The following EYS variants were observed in gnomAD, a reference collection of about 807,000 sequenced individuals.
EYS encodes EGF-like photoreceptor maintenance factor, also known as protein eyes shut homolog.
A neutral mutation model predicts 282.1 loss-of-function variants in EYS; 250 were observed. That is an observed-to-expected ratio of 0.89 (90% CI 0.80 to 0.98). EYS has a LOEUF of 0.98. Ranked by LOEUF, EYS falls within the 50% of genes least tolerant of loss-of-function variation. The probability of loss-of-function intolerance (pLI) is 0.00; values close to 1 mark genes in which losing one functional copy is unlikely to be tolerated. For missense variants in EYS, 4,016 were observed against 3,709.0 expected (o/e 1.08, Z -2.15); for synonymous variants, 1,355 against 1,282.9 (o/e 1.06, Z -1.20).
At chr6:64,394,533 T>C (rs1024405483) in intron 28 of EYS, among the ~76,000 whole-genome samples, 3 of 151,884 alleles carry the variant, frequency 2.0e-5, no homozygotes, top group Admixed American at 1.3e-4. Context: ...AATGGGGAAA[T>C]GATTCCCTAT....
chr6:64,016,493 T>A (rs1313632205), intron 33 of EYS, among the ~76,000 whole-genome samples: 1 of 76,866 alleles, frequency 1.3e-5, no homozygotes, highest in Admixed American at 1.1e-4. Context: ...TTTTTGATTT[T>A]TTTTTTTTTT....
intron 12 of EYS, among the ~76,000 whole-genome samples, chr6:65,091,169 T>G (rs1437179285): frequency 6.6e-6 from 1 of 150,812 alleles, no homozygotes; most frequent in Non-Finnish European, 1.5e-5. Flanking sequence ...CACGGTGGCT[T>G]AAGCCTGTAA....
At chr6:64,560,957 C>G (rs1765375758) in intron 26 of EYS, among the ~76,000 whole-genome samples, 1 of 152,080 alleles carries the variant, frequency 6.6e-6, no homozygotes, top group South Asian at 2.1e-4. Flanking sequence ...TACTTGAAAA[C>G]CAAATCTAGC....
chr6:64,687,195 C>A (rs879547565), intron 22 of EYS, among the ~76,000 whole-genome samples: 1 of 151,468 alleles, frequency 6.6e-6, no homozygotes, highest in Non-Finnish European at 1.5e-5. Context: ...CATTAAGTGG[C>A]CAAAGTAACT....
chr6:64,032,258 T>C (rs1469135357), intron 33 of EYS, among the ~76,000 whole-genome samples: 2 of 151,732 alleles, frequency 1.3e-5, no homozygotes, highest in Non-Finnish European at 2.9e-5. Context: ...TTAAGAGCTG[T>C]AACACTCACC....
intron 1 of EYS, among the ~76,000 whole-genome samples, chr6:65,652,456 G>A (rs1287692295): frequency 6.6e-6 from 1 of 152,010 alleles, no homozygotes; most frequent in African/African-American, 2.4e-5. Flanking sequence ...AAGTGTAATG[G>A]TGGTGGCATT....
chr6:63,906,418 TTA>T (rs2149734802), intron 35 of EYS, among the ~76,000 whole-genome samples: 1 of 152,354 alleles, frequency 6.6e-6, no homozygotes, highest in African/African-American at 2.4e-5. Context: ...TTGATTTTCT[TTA>T]TACCTTGCTT....
intron 2 of EYS, among the ~76,000 whole-genome samples, chr6:65,563,806 G>T (rs528562459): frequency 1.3e-4 from 20 of 152,154 alleles, no homozygotes; most frequent in African/African-American, 4.6e-4. Context: ...TTAATTGTGG[G>T]CCACAACTCC....
intron 29 of EYS, among the ~76,000 whole-genome samples, chr6:64,329,177 G>A (rs939746694): frequency 3.9e-5 from 6 of 152,132 alleles, no homozygotes; most frequent in African/African-American, 1.2e-4. Flanking sequence ...TGGAGCACTC[G>A]GTAGTAAATC....
chr6:64,502,919 T>C (rs1240622318), intron 26 of EYS, among the ~76,000 whole-genome samples: 4 of 152,230 alleles, frequency 2.6e-5, no homozygotes, highest in African/African-American at 9.6e-5. Flanking sequence ...ATGGCATAAG[T>C]CTGAGCTATT....
intron 26 of EYS, among the ~76,000 whole-genome samples, chr6:64,543,293 T>C (rs1407605576): frequency 6.6e-6 from 1 of 152,072 alleles, no homozygotes; most frequent in African/African-American, 2.4e-5. Context: ...AATGTTCAAA[T>C]TACGGAAAAA....
chr6:63,979,156 C>G (rs1031346175), intron 35 of EYS, among the ~76,000 whole-genome samples: 2 of 151,930 alleles, frequency 1.3e-5, no homozygotes, highest in Non-Finnish European at 2.9e-5. Context: ...TTGCCAAATC[C>G]TGCCAGCCAC....
intron 11 of EYS, among the ~76,000 whole-genome samples, chr6:65,320,752 C>T (rs1190965328): frequency 6.6e-6 from 1 of 152,186 alleles, no homozygotes; most frequent in Non-Finnish European, 1.5e-5. Context: ...GCAGGTTAAA[C>T]AGGTTGCCTT....
intron 11 of EYS, among the ~76,000 whole-genome samples, chr6:65,315,974 C>T (rs527540776): frequency 2.6e-5 from 4 of 151,996 alleles, no homozygotes; most frequent in African/African-American, 9.7e-5. Context: ...GTAGTAGTAT[C>T]TCATTGAGGT....
chr6:64,568,751 G>T (rs1765632237), intron 26 of EYS, among the ~76,000 whole-genome samples: 1 of 152,098 alleles, frequency 6.6e-6, no homozygotes, highest in Non-Finnish European at 1.5e-5. Context: ...CATCTGGCGG[G>T]TGCCTCTTTA....
In EYS at chr6:64,395,140, T is replaced by G. The variant is rs1240029155; in HGVS notation, c.5928-6300A>C. On this transcript the variant is annotated intron_variant, in intron 28 of 42. Transcript: ENST00000503581. The stretch of plus-strand genomic sequence containing the variant: ...TAAAAAGTCAGGAAACAACAGGTGC[T>G]GGAGAGGATGTAGAGAAATAGGAAC... 2.0e-5 allele frequency among the ~76,000 whole-genome samples: 3 copies of G among 152,184 alleles called. No homozygotes were observed. In the East Asian group the frequency reaches 5.8e-4, roughly 29 times the overall value.
chr6:64,260,034 C>T (rs973239874), intron 30 of EYS, among the ~76,000 whole-genome samples: 9 of 151,974 alleles, frequency 5.9e-5, no homozygotes, highest in African/African-American at 2.2e-4. Flanking sequence ...TAATGTTTTA[C>T]TTCTCTTAGC....
At chr6:65,513,010 T>C (rs1380944163) in intron 2 of EYS, among the ~76,000 whole-genome samples, 1 of 152,090 alleles carries the variant, frequency 6.6e-6, no homozygotes, top group African/African-American at 2.4e-5. Context: ...AGCTGGTTTT[T>C]TGAAAGGATC....
At chr6:64,831,716 A>G (rs1005967445) in intron 19 of EYS, among the ~76,000 whole-genome samples, 1 of 152,042 alleles carries the variant, frequency 6.6e-6, no homozygotes, top group Non-Finnish European at 1.5e-5. Flanking sequence ...TGTTACCACA[A>G]GAATGCGGCC....
Sources: gnomAD v4.1 joint callset for allele counts (sites outside exome capture counted in the v4.1 genomes callset) on GRCh38, gnomAD v4.1.1 for gene constraint, MANE v1.5 for transcripts, NCBI Gene and HGNC (gene_info 2026-07-23, HGNC 2026-07-21) for gene names.